The following LONRF2 variants were observed in gnomAD, a reference collection of about 807,000 sequenced individuals.
LONRF2 encodes LON peptidase N-terminal domain and RING finger protein 2.
In LONRF2, 35 loss-of-function variants were observed where a neutral mutation model predicts 66.6. The ratio of observed to expected loss-of-function variants is 0.53; its 90% CI spans 0.40 to 0.70. The LOEUF is 0.70. LONRF2 is among the 30% of genes least tolerant of loss of function. The pLI, the probability that LONRF2 is intolerant of heterozygous loss-of-function variation, is 0.00. For synonymous variants in LONRF2, 417 were observed against 418.1 expected (o/e 1.00, Z 0.03); for missense variants, 902 against 1,002.1 (o/e 0.90, Z 1.35).
chr2:100,312,680 C>T (rs904751728), intron 1 of LONRF2, among the ~76,000 whole-genome samples: 7 of 152,246 alleles, frequency 4.6e-5, no homozygotes, highest in African/African-American at 1.7e-4. Flanking sequence ...ACAATCACTT[C>T]TCATCTCGAC....
chr2:100,306,836 C>T (rs757030421), intron 2 of LONRF2, among the ~76,000 whole-genome samples: 4 of 152,070 alleles, frequency 2.6e-5, no homozygotes, highest in South Asian at 2.1e-4. Context: ...GGCACTTCTT[C>T]CCCAATCCTT....
chr2:100,291,498 C>T (rs868560346), intron 9 of LONRF2, among the ~76,000 whole-genome samples: 1 of 151,996 alleles, frequency 6.6e-6, no homozygotes, highest in Non-Finnish European at 1.5e-5. Context: ...ACCAAAGTGC[C>T]GTGGAAAGCA....
At chr2:100,300,004 T>C in intron 4 of LONRF2, 86 bp from the exon 5 acceptor site, 2 of 474,830 alleles carry the variant, frequency 4.2e-6, no homozygotes, top group Non-Finnish European at 6.6e-6. Flanking sequence ...GTACTAGAAA[T>C]CTTTGGAAAA....
intron 9 of LONRF2, 57 bp from the exon 10 acceptor site, chr2:100,290,477 T>C: frequency 2.0e-6 from 3 of 1,520,854 alleles, no homozygotes; most frequent in Non-Finnish European, 2.7e-6. Flanking sequence ...GGGCCTTCTT[T>C]TTCCCTGGAT....
chr2:100,307,546 G>A (rs753528602), intron 2 of LONRF2, among the ~76,000 whole-genome samples: 1 of 152,176 alleles, frequency 6.6e-6, no homozygotes, highest in South Asian at 2.1e-4. Context: ...ACTAAGGCTT[G>A]ATCATTACTG....
rs1674715504 is a variant in LONRF2, at chr2:100,281,453, A to G, written c.*2845T>C. On this transcript the variant is annotated 3_prime_UTR_variant, in exon 12 of 12. Transcript: ENST00000393437. ...AACATTTTAAATTATTTTCTTTTGA[A>G]ACTTTAAAAAGTATCCTAACTTTCA... The G allele has an allele frequency of 6.6e-6, 1 of 152,208 alleles. No individual in the cohort carries two copies. Among genetic ancestry groups the G allele is most frequent in the South Asian group, 2.1e-4 (1 of 4,824 alleles). The allele number at this position is 152,208 out of a possible 1,614,324, so 9.4% of individuals were successfully genotyped here.
chr2:100,321,254 G>T (rs992621096), intron 1 of LONRF2, among the ~76,000 whole-genome samples, 161 bp downstream of exon 1: 3 of 152,146 alleles, frequency 2.0e-5, no homozygotes, highest in African/African-American at 7.2e-5. Context: ...GGGTGTGGCC[G>T]CCCCCACCTT....
At chr2:100,285,732 A>G (rs1674832613) in intron 11 of LONRF2, among the ~76,000 whole-genome samples, 3 of 152,150 alleles carry the variant, frequency 2.0e-5, no homozygotes, top group Non-Finnish European at 4.4e-5. Context: ...CAGCCTCTAC[A>G]AGCTGCAGAG....
In LONRF2 at chr2:100,279,914, G is replaced by C. The variant is rs13031493; in HGVS notation, c.*4384C>G. The C allele has an allele frequency of 0.62, 94,985 of 152,154 alleles. 30,202 individuals carry two copies. Among genetic ancestry groups the C allele is most frequent in the East Asian group, 0.94 (4,852 of 5,156 alleles). 9.4% of individuals were successfully genotyped at this position (152,154 alleles called of 1,614,324 possible). A position where few individuals can be genotyped will look rare whatever the true frequency, so the allele number is the denominator to read the frequency against. On this transcript the variant is annotated 3_prime_UTR_variant, in exon 12 of 12. Coordinates refer to ENST00000393437, the MANE Select transcript of LONRF2 (RefSeq NM_198461.4). ...ACTCCTGCTTCTGCCTGTCTCCCAT[G>C]CTTCCCCTCATGGCCCGGTGTGGTC...
Position 100,284,283 on chromosome 2 carries a change from T to C in LONRF2, c.*15A>G. 6.7e-7 allele frequency: 1 copy of C among 1,494,900 alleles called. No individual in the cohort carries two copies. The highest frequency in any genetic ancestry group is 9.0e-7 in the Non-Finnish European group (1 of 1,114,456). The allele number at this position is 1,494,900 out of a possible 1,614,324, so 92.6% of individuals were successfully genotyped here. On this transcript the variant is annotated 3_prime_UTR_variant, in exon 12 of 12. Transcript: ENST00000393437. The stretch of plus-strand genomic sequence containing the variant: ...AAAGCACAAGGGCTGCCAGAAACCT[T>C]GACAGAGAGAAAAATCAATTATTTC...
intron 9 of LONRF2, among the ~76,000 whole-genome samples, chr2:100,291,789 C>T (rs187065008): frequency 5.9e-5 from 9 of 152,218 alleles, no homozygotes; most frequent in Admixed American, 5.2e-4. Flanking sequence ...TAGGCTATGT[C>T]TATTCTCATT....
intron 2 of LONRF2, among the ~76,000 whole-genome samples, chr2:100,306,020 C>A (rs1675283312): frequency 1.3e-5 from 2 of 152,122 alleles, no homozygotes; most frequent in Admixed American, 6.5e-5. Flanking sequence ...TCCGGAGTAG[C>A]TGGGATTATA....
intron 1 of LONRF2, among the ~76,000 whole-genome samples, chr2:100,309,942 G>C (rs924930698): frequency 2.6e-5 from 4 of 152,110 alleles, no homozygotes; most frequent in Admixed American, 6.5e-5. Context: ...CAAAGTGCTG[G>C]GATTACAGGT....
rs373063539 is a variant in LONRF2, at chr2:100,316,074, A to T, written c.679+5341T>A. Among the ~76,000 whole-genome samples the T allele has an allele frequency of 3.5e-3, 527 of 152,250 alleles. 4 individuals are homozygous for T. Among genetic ancestry groups the T allele is most frequent in the African/African-American group, 0.012 (507 of 41,556 alleles). On this transcript the variant is annotated intron_variant, in intron 1 of 11. Transcript: ENST00000393437. ...GGTGGCTCACACCTGTAATCCCAGCACTTTGGGAGGCAGAGGCGGGCAGAT... is the reference window on the plus strand; with the variant it reads ...GGTGGCTCACACCTGTAATCCCAGCTCTTTGGGAGGCAGAGGCGGGCAGAT...
chr2:100,294,099 G>T, intron 9 of LONRF2, 130 bp downstream of exon 9: 1 of 1,038,594 alleles, frequency 9.6e-7, no homozygotes, highest in Non-Finnish European at 1.4e-6. Context: ...GGGCAGCCTT[G>T]AACTTGGACT....
intron 4 of LONRF2, 104 bp from the exon 5 acceptor site, chr2:100,300,022 G>GC (rs1675150717): frequency 3.5e-6 from 2 of 574,406 alleles, no homozygotes; most frequent in Non-Finnish European, 5.9e-6. Context: ...AAAAAAAAGG[G>GC]GGGGGCATAC....
At position 100,322,257 on chromosome 2, in the gene LONRF2, G is replaced by T; in HGVS notation, c.-164C>A. ...AGCGGCTGAGACCGCGGGCGGGGGC[G>T]GGCGCCTGGCTTGGGCAGCGTCCTC... is the stretch of plus-strand genomic sequence containing the variant. On this transcript the variant is annotated 5_prime_UTR_variant, in exon 1 of 12. Coordinates refer to ENST00000393437, the MANE Select transcript of LONRF2 (RefSeq NM_198461.4). The T allele has an allele frequency of 1.5e-6, 1 of 654,194 alleles. No individual in the cohort carries two copies. The highest frequency in any genetic ancestry group is 4.2e-5 in the East Asian group (1 of 23,884). 40.5% of individuals were successfully genotyped at this position (654,194 alleles called of 1,614,324 possible).
chr2:100,281,956 GGTTCCT>G lies in LONRF2; in HGVS notation c.*2336_*2341del. ...CCGTAGGATGCTGTCACCCTGACCC[GGTTCCT>G]GATGCGTGATGTTTCTAAGTGCTCA... On this transcript the variant is annotated 3_prime_UTR_variant, in exon 12 of 12. Coordinates refer to ENST00000393437, the MANE Select transcript of LONRF2 (RefSeq NM_198461.4). 1 of 151,740 alleles carries G rather than the reference GGTTCCT, an allele frequency of 6.6e-6. No individual in the cohort carries two copies. Among genetic ancestry groups the G allele is most frequent in the East Asian group, 1.9e-4 (1 of 5,136 alleles). The allele number at this position is 151,740 out of a possible 1,614,324, so 9.4% of individuals were successfully genotyped here. A position where few individuals can be genotyped will look rare whatever the true frequency, so the allele number is the denominator to read the frequency against.
chr2:100,292,326 C>A (rs1674978822), intron 9 of LONRF2, among the ~76,000 whole-genome samples: 1 of 152,232 alleles, frequency 6.6e-6, no homozygotes. Flanking sequence ...GTGTGTGATG[C>A]AAACTCCCTT....
Sources: allele counts gnomAD v4.1 joint callset (sites outside exome capture counted in the v4.1 genomes callset), GRCh38; gene constraint gnomAD v4.1.1; transcripts MANE v1.5; gene names NCBI Gene and HGNC (gene_info 2026-07-23, HGNC 2026-07-21).